Variants in HK2 observed in about 807,000 individuals in gnomAD.
The protein encoded by HK2 is hexokinase 2, also known as hexokinase-2.
A neutral mutation model predicts 92.9 loss-of-function variants in HK2; 42 were observed. The observed-to-expected ratio is 0.45, with a 90% confidence interval of 0.35 to 0.58. HK2 has a LOEUF of 0.58. Among genes scored for constraint, HK2 ranks in the 20% least tolerant of loss-of-function variants. HK2 has a pLI of 0.00. For missense variants in HK2, 978 were observed against 1,245.1 expected (o/e 0.79, Z 3.23); for synonymous variants, 422 against 468.0 (o/e 0.90, Z 1.27).
At chr2:74,877,362 C>T (rs765147151) in intron 8 of HK2, 41 bp downstream of exon 8, 2 of 1,611,060 alleles carry the variant, frequency 1.2e-6, no homozygotes, top group South Asian at 2.2e-5. Flanking sequence ...TGGATCACCA[C>T]ACGAGTTGAC....
chr2:74,848,005 ATGT>A (rs1375287241), intron 1 of HK2, among the ~76,000 whole-genome samples: 1 of 152,196 alleles, frequency 6.6e-6, no homozygotes, highest in Non-Finnish European at 1.5e-5. Context: ...AGCTAATGTA[ATGT>A]TGTGAAGGTG....
intron 13 of HK2, 146 bp downstream of exon 13, chr2:74,885,735 G>A (rs1558805474): frequency 2.8e-6 from 2 of 702,734 alleles, no homozygotes; most frequent in Non-Finnish European, 2.6e-6. Flanking sequence ...AGTTTAGTGT[G>A]CACTGTGTGT....
intron 1 of HK2, among the ~76,000 whole-genome samples, chr2:74,837,088 A>G (rs1329800230): frequency 1.3e-5 from 2 of 152,210 alleles, no homozygotes; most frequent in Non-Finnish European, 2.9e-5. Context: ...TGTACCTGGC[A>G]CTGTTCTAAG....
chr2:74,879,365 C>T (rs1443763988), intron 9 of HK2, among the ~76,000 whole-genome samples: 1 of 152,142 alleles, frequency 6.6e-6, no homozygotes, highest in African/African-American at 2.4e-5. Context: ...GTCATAGGTA[C>T]CAGAATATTC....
chr2:74,874,439 G>A lies in HK2; in HGVS notation c.865G>A (p.Gly289Arg). Residue 289 changes from glycine (G) to arginine (R), a missense_variant, in exon 7 of 18, where the codon GGA becomes AGA. Physicochemically the swap from Gly to Arg is moderately radical, Grantham distance 125. Around this residue, in one of 3 missense-constraint regions of HK2, gnomAD observed 742 missense variants for 922.5 expected, o/e 0.80. Transcript: ENST00000290573. ...QEIDMGSLNP[G>R]KQLFEKMISG... ...GATTGACATGGGCTCACTGAACCCG[G>A]GAAAGCAACTGTGAGTAGGCCCTTC... is the stretch of plus-strand genomic sequence containing the variant. The A allele has an allele frequency of 6.2e-7, 1 of 1,604,674 alleles. No individual in the cohort carries two copies. Among genetic ancestry groups the A allele is most frequent in the Non-Finnish European group, 8.5e-7 (1 of 1,174,790 alleles).
At chr2:74,877,394 G>A in intron 8 of HK2, 73 bp downstream of exon 8, 1 of 1,549,018 alleles carries the variant, frequency 6.5e-7, no homozygotes, top group Non-Finnish European at 8.9e-7. Context: ...GAATGAGGAG[G>A]GGGCTGTACC....
intron 2 of HK2, among the ~76,000 whole-genome samples, chr2:74,864,383 T>C (rs1688899989): frequency 6.6e-6 from 1 of 152,234 alleles, no homozygotes; most frequent in African/African-American, 2.4e-5. Flanking sequence ...TGTCCTGCCT[T>C]ACTGGACACC....
intron 12 of HK2, 109 bp from the exon 13 acceptor site, chr2:74,885,385 G>A (rs114138580): frequency 1.4e-4 from 105 of 767,040 alleles, no homozygotes; most frequent in African/African-American, 1.4e-3. Flanking sequence ...GTGACTCTGG[G>A]GGATCCGTCT....
chr2:74,885,094 G>A (rs939802773), intron 12 of HK2, among the ~76,000 whole-genome samples: 2 of 152,204 alleles, frequency 1.3e-5, no homozygotes, highest in African/African-American at 2.4e-5. Flanking sequence ...TGCACAGCAG[G>A]GTCAGCTGCG....
intron 1 of HK2, among the ~76,000 whole-genome samples, chr2:74,850,998 T>A (rs1688553984): frequency 6.6e-6 from 1 of 152,230 alleles, no homozygotes; most frequent in Admixed American, 6.5e-5. Flanking sequence ...CATTTTTCAC[T>A]GTTTCATATC....
intron 7 of HK2, among the ~76,000 whole-genome samples, chr2:74,875,604 C>G (rs1335587259): frequency 6.6e-6 from 1 of 152,176 alleles, no homozygotes; most frequent in African/African-American, 2.4e-5. Flanking sequence ...GCTGGGATTA[C>G]AGGCGTGAGC....
intron 8 of HK2, among the ~76,000 whole-genome samples, chr2:74,877,747 T>C (rs942373156): frequency 7.2e-5 from 11 of 152,244 alleles, no homozygotes; most frequent in African/African-American, 2.7e-4. Flanking sequence ...GGTCTTTGAA[T>C]TGGCCAGAGA....
At chr2:74,856,748 C>A (rs6735303) in intron 2 of HK2, among the ~76,000 whole-genome samples, 51,745 of 152,056 alleles carry the variant, frequency 0.34, 10,681 homozygotes, top group African/African-American at 0.55. Context: ...GTCCAAAATC[C>A]TACAGCCAGT....
intron 5 of HK2, 100 bp downstream of exon 5, chr2:74,873,471 G>A (rs982193597): frequency 1.1e-5 from 9 of 785,056 alleles, no homozygotes; most frequent in Admixed American, 4.5e-5. Flanking sequence ...CTTACGTGGA[G>A]CTTAAGGAGA....
intron 2 of HK2, among the ~76,000 whole-genome samples, chr2:74,866,626 C>T (rs1032348000): frequency 1.3e-5 from 2 of 152,202 alleles, no homozygotes; most frequent in South Asian, 2.1e-4. Flanking sequence ...GTAGGAACTG[C>T]ACCTTCCCAG....
chr2:74,853,696 CAAA>C (rs202112392), intron 1 of HK2, among the ~76,000 whole-genome samples: 1 of 139,176 alleles, frequency 7.2e-6, no homozygotes, highest in Admixed American at 7.2e-5. Flanking sequence ...GATACCCTGT[CAAA>C]AAAAAAAAAG....
At chr2:74,869,469 T>G (rs2103944610) in intron 3 of HK2, among the ~76,000 whole-genome samples, 1 of 152,352 alleles carries the variant, frequency 6.6e-6, no homozygotes, top group Middle Eastern at 3.4e-3. Context: ...AGAACAAATC[T>G]TGGAATCCCA....
At position 74,837,867 on chromosome 2, in the gene HK2, G is replaced by C. The variant is rs554727932; in HGVS notation, c.63+3224G>C. 3.7e-3 allele frequency among the ~76,000 whole-genome samples: 555 copies of C among 151,922 alleles called. 3 individuals carry two copies. Among genetic ancestry groups the C allele is most frequent in the African/African-American group, 0.013 (523 of 41,408 alleles). ...TTTTTTGTATTTTTAGTAGAGACAG[G>C]GTTTCACCATGTTGGCCAGGATGGT... On this transcript the variant is annotated intron_variant, in intron 1 of 17. Transcript: ENST00000290573.
At chr2:74,882,010 C>G (rs1352348644) in intron 11 of HK2, 110 bp from the exon 12 acceptor site, 5 of 1,424,614 alleles carry the variant, frequency 3.5e-6, no homozygotes, top group East Asian at 2.3e-5. Flanking sequence ...TGTGCCTGAG[C>G]CTGCATTTCT....
Sources: gnomAD v4.1 joint callset for allele counts (sites outside exome capture counted in the v4.1 genomes callset) on GRCh38, gnomAD v4.1.1 for gene constraint, gnomAD v4.1.1 regional missense constraint, MANE v1.5 for transcripts, NCBI Gene and HGNC (gene_info 2026-07-23, HGNC 2026-07-21) for gene names.